PLCL1: variants seen among roughly 807,000 people sequenced by gnomAD.
PLCL1 encodes the protein inactive phospholipase C-like protein 1.
Under a neutral mutation model 84.4 loss-of-function variants are expected in PLCL1, and 41 were observed. The ratio of observed to expected loss-of-function variants is 0.49; its 90% confidence interval spans 0.38 to 0.63. The LOEUF (loss-of-function observed/expected upper bound fraction) is 0.63, where lower values mean the gene tolerates loss of function less well. Among genes scored for constraint, PLCL1 ranks in the 30% least tolerant of loss-of-function variants. The pLI is 0.00. For missense variants in PLCL1, 1,206 were observed against 1,367.8 expected, an observed-to-expected ratio of 0.88 and a Z score of 1.87; for synonymous variants, 490 against 488.3, an observed-to-expected ratio of 1.00 and a Z score of -0.05.
chr2:197,891,486 T>C (rs777392441), intron 1 of PLCL1, among the ~76,000 whole-genome samples: 53 of 151,962 alleles, frequency 3.5e-4, no homozygotes, highest in African/African-American at 1.2e-3. Flanking sequence ...GAAACAGACA[T>C]TGGGCGTGTG....
At chr2:197,891,739 C>A (rs1688033691) in intron 1 of PLCL1, among the ~76,000 whole-genome samples, 1 of 152,032 alleles carries the variant, frequency 6.6e-6, no homozygotes, top group South Asian at 2.1e-4. Context: ...TTTTTATCAA[C>A]AATAAATCAA....
At chr2:197,995,754 A>T (rs558502641) in intron 1 of PLCL1, among the ~76,000 whole-genome samples, 1 of 152,282 alleles carries the variant, frequency 6.6e-6, no homozygotes. Context: ...GTACAGGAGG[A>T]AATCACTTAA....
At position 197,998,742 on chromosome 2, in the gene PLCL1, G is replaced by A. The variant is rs555663575; in HGVS notation, c.241-85016G>A. Among the ~76,000 whole-genome samples the A allele has an allele frequency of 3.6e-4, 55 of 152,250 alleles. No homozygotes were observed. In the South Asian group the frequency reaches 0.011, roughly 30 times the overall value. ...CCTCAACTCTCCACAGTTAGCATGT[G>A]CTCATTCACCCACTCCTTTTTATGG... On this transcript the variant is annotated intron_variant, in intron 1 of 5. Transcript: ENST00000428675.
chr2:198,043,478 C>T (rs1188188137), intron 1 of PLCL1, among the ~76,000 whole-genome samples: 1 of 152,128 alleles, frequency 6.6e-6, no homozygotes, highest in Non-Finnish European at 1.5e-5. Flanking sequence ...CCACTTCATG[C>T]AGTTACAAAA....
At chr2:198,111,766 T>C (rs1693628725) in intron 5 of PLCL1, among the ~76,000 whole-genome samples, 1 of 152,016 alleles carries the variant, frequency 6.6e-6, no homozygotes, top group Admixed American at 6.6e-5. Context: ...CTAAAGGCCA[T>C]GTTGTCATCC....
At chr2:197,861,387 A>G (rs1191433155) in intron 1 of PLCL1, among the ~76,000 whole-genome samples, 2 of 152,160 alleles carry the variant, frequency 1.3e-5, no homozygotes, top group Non-Finnish European at 2.9e-5. Context: ...CCGTTCCCCC[A>G]TACATTGCCC....
intron 1 of PLCL1, among the ~76,000 whole-genome samples, chr2:197,907,574 T>C (rs192969189): frequency 6.5e-4 from 99 of 152,324 alleles, no homozygotes; most frequent in Admixed American, 2.6e-3. Context: ...CTTTGGGAAG[T>C]AATTGGTTGC....
At chr2:198,040,288 T>C (rs2105858338) in intron 1 of PLCL1, among the ~76,000 whole-genome samples, 1 of 152,262 alleles carries the variant, frequency 6.6e-6, no homozygotes, top group African/African-American at 2.4e-5. Context: ...GGGCTTCATG[T>C]TTTGGACAGT....
intron 1 of PLCL1, among the ~76,000 whole-genome samples, chr2:197,949,120 C>G (rs1267766640): frequency 2.6e-5 from 4 of 152,142 alleles, no homozygotes; most frequent in African/African-American, 9.7e-5. Context: ...GTATGATAAT[C>G]TAGTTGGGAT....
At chr2:198,027,193 A>G (rs1248762092) in intron 1 of PLCL1, among the ~76,000 whole-genome samples, 1 of 152,192 alleles carries the variant, frequency 6.6e-6, no homozygotes, top group East Asian at 1.9e-4. Flanking sequence ...AAAGGAAATC[A>G]TGTCATTTGC....
intron 1 of PLCL1, among the ~76,000 whole-genome samples, chr2:198,010,159 C>A (rs1297641289): frequency 6.6e-6 from 1 of 151,888 alleles, no homozygotes; most frequent in African/African-American, 2.4e-5. Flanking sequence ...CTTTTTATTT[C>A]TTTTTCTTGT....
At chr2:198,031,340 C>A (rs1333544230) in intron 1 of PLCL1, among the ~76,000 whole-genome samples, 1 of 151,898 alleles carries the variant, frequency 6.6e-6, no homozygotes, top group Non-Finnish European at 1.5e-5. Flanking sequence ...TGCACTCTAG[C>A]CTGGGCAACA....
intron 1 of PLCL1, among the ~76,000 whole-genome samples, chr2:198,075,120 C>T (rs1304375559): frequency 6.6e-6 from 1 of 152,182 alleles, no homozygotes; most frequent in African/African-American, 2.4e-5. Flanking sequence ...AATCCTCACA[C>T]CAGAAACAAC....
chr2:198,005,167 C>T (rs1690700705), intron 1 of PLCL1, among the ~76,000 whole-genome samples: 1 of 152,186 alleles, frequency 6.6e-6, no homozygotes, highest in African/African-American at 2.4e-5. Context: ...ATTTCTCCTT[C>T]TTTATGTGTG....
chr2:197,918,081 A>C lies in PLCL1; in HGVS notation c.240+112742A>C, dbSNP rs1438561871. ...GTGAGCAAGGTTAACCTCAACAGTG[A>C]GAAATCATTTGATAGTATATATTCT... On this transcript the variant is annotated intron_variant, in intron 1 of 5. Coordinates refer to ENST00000428675, the MANE Select transcript of PLCL1 (RefSeq NM_006226.4). 3.3e-5 allele frequency among the ~76,000 whole-genome samples: 5 copies of C among 152,260 alleles called. No homozygotes were observed. In the East Asian group the frequency reaches 7.7e-4, roughly 23 times the overall value.
intron 1 of PLCL1, among the ~76,000 whole-genome samples, chr2:197,953,902 T>TAGA (rs1559054958): frequency 6.6e-6 from 1 of 151,430 alleles, no homozygotes. Flanking sequence ...TCCTGAGTAG[T>TAGA]CACCAATGCC....
At chr2:197,907,715 A>G (rs1312441349) in intron 1 of PLCL1, among the ~76,000 whole-genome samples, 1 of 152,230 alleles carries the variant, frequency 6.6e-6, no homozygotes, top group Non-Finnish European at 1.5e-5. Flanking sequence ...ACCCTAGTGC[A>G]TAATTTCATA....
intron 1 of PLCL1, among the ~76,000 whole-genome samples, chr2:197,871,274 AC>A (rs1340570011): frequency 1.3e-5 from 2 of 150,010 alleles, no homozygotes; most frequent in Non-Finnish European, 3.0e-5. Context: ...TTGGAGAGAA[AC>A]CCCTAGTCTT....
At chr2:197,836,446 CAAA>C (rs35510400) in intron 1 of PLCL1, among the ~76,000 whole-genome samples, 3 of 34,544 alleles carry the variant, frequency 8.7e-5, no homozygotes, top group African/African-American at 2.1e-4. Flanking sequence ...GACTCCGTCT[CAAA>C]AAAAAAAAAA....
Sources: allele counts gnomAD v4.1 joint callset (sites outside exome capture counted in the v4.1 genomes callset), GRCh38; gene constraint gnomAD v4.1.1; transcripts MANE v1.5; gene names NCBI Gene and HGNC (gene_info 2026-07-23, HGNC 2026-07-21).